The following GALNT3 variants were observed in gnomAD, a reference collection of about 807,000 sequenced individuals.
The protein encoded by GALNT3 is GalNAc transferase 3.
GALNT3 carries 51 observed loss-of-function variants against 69.8 expected under a neutral mutation model. That is an observed-to-expected ratio of 0.73 (90% CI 0.58 to 0.92). The LOEUF is 0.92. GALNT3 is among the 40% of genes least tolerant of loss of function. The probability of loss-of-function intolerance (pLI) is 0.00; values close to 1 mark genes in which losing one functional copy is unlikely to be tolerated. For synonymous variants in GALNT3, 265 were observed against 248.5 expected, an observed-to-expected ratio of 1.07 and a Z score of -0.63; for missense variants, 711 against 760.0, an observed-to-expected ratio of 0.94 and a Z score of 0.76.
At chr2:165,776,646 A>C (rs2105425676) in intron 1 of GALNT3, among the ~76,000 whole-genome samples, 1 of 152,322 alleles carries the variant, frequency 6.6e-6, no homozygotes, top group East Asian at 1.9e-4. Flanking sequence ...AAAGTTATTA[A>C]TCTGTAACCT....
Position 165,748,983 on chromosome 2 carries a change from C to A in GALNT3, c.1780-80G>T, listed in dbSNP as rs1476790021. On this transcript the variant is annotated intron_variant, in intron 10 of 10. Coordinates refer to ENST00000392701, the MANE Select transcript of GALNT3 (RefSeq NM_004482.4). ...AAATATGAAAAAGATTTTATGGTTTCATTGAAGCAAACCTAATAGCAAATC... is the reference window on the plus strand; with the variant it reads ...AAATATGAAAAAGATTTTATGGTTTAATTGAAGCAAACCTAATAGCAAATC... The A allele has an allele frequency of 5.7e-6, 8 of 1,406,098 alleles. No individual in the cohort carries two copies. In the Admixed American group the frequency reaches 1.5e-4, roughly 27 times the overall value. 87.1% of individuals were successfully genotyped at this position (1,406,098 alleles called of 1,614,324 possible). A position where few individuals can be genotyped will look rare whatever the true frequency, so the allele number is the denominator to read the frequency against.
At chr2:165,758,478 G>A in intron 6 of GALNT3, 1 of 265,404 alleles carries the variant, frequency 3.8e-6, no homozygotes, top group South Asian at 7.9e-5. Context: ...TATCTTGGCT[G>A]GAATTCAGTA....
chr2:165,770,472 T>C lies in GALNT3; in HGVS notation c.229A>G (p.Met77Val), dbSNP rs759624635. 1 of 1,614,250 alleles carries C rather than the reference T, an allele frequency of 6.2e-7. No individual in the cohort carries two copies. Among genetic ancestry groups the C allele is most frequent in the Non-Finnish European group, 8.5e-7 (1 of 1,180,046 alleles). Residue 77 changes from methionine to valine, a missense_variant, in exon 2 of 11, where the codon ATG becomes GTG. Met to Val is a conservative substitution (Grantham distance 21). Coordinates refer to ENST00000392701, the MANE Select transcript of GALNT3 (RefSeq NM_004482.4). ...LEAVNNIKDA[M>V]PKMQIGAPVR... is the part of the protein sequence containing the mutation. ...GGTGCTCCTATTTGCATTTTTGGCATGGCATCCTTAATATTGTTTACAGCT... is the reference window on the plus strand; with the variant it reads ...GGTGCTCCTATTTGCATTTTTGGCACGGCATCCTTAATATTGTTTACAGCT...
At chr2:165,784,142 T>C (rs1683172180) in intron 1 of GALNT3, among the ~76,000 whole-genome samples, 1 of 152,148 alleles carries the variant, frequency 6.6e-6, no homozygotes, top group African/African-American at 2.4e-5. Context: ...GCATAGTCAA[T>C]TACCATACAC....
chr2:165,752,627 A>G (rs909547192), intron 9 of GALNT3, among the ~76,000 whole-genome samples: 1 of 152,218 alleles, frequency 6.6e-6, no homozygotes, highest in Non-Finnish European at 1.5e-5. Flanking sequence ...TATGAAAATG[A>G]TAACAGAAAA....
At chr2:165,761,580 AAAC>A (rs1688547438) in intron 4 of GALNT3, among the ~76,000 whole-genome samples, 1 of 150,676 alleles carries the variant, frequency 6.6e-6, no homozygotes, top group Non-Finnish European at 1.5e-5. Flanking sequence ...ACAAACAAAC[AAAC>A]AAACACTTTT....
At chr2:165,794,667 T>C (rs1683428155), upstream of GALNT3, 1 of 152,256 alleles carries the variant, frequency 6.6e-6, no homozygotes, top group Non-Finnish European at 1.5e-5. Context: ...TGTGGTTTCT[T>C]CGGGCAGGGT....
chr2:165,770,584 T>C lies in GALNT3; in HGVS notation c.117A>G (p.Arg39=), dbSNP rs150417505. ...CTTTGGAATATTGAACACTTACTTC[T>C]CTTTGCATTAAAACCAAAACTATTA... ...FFIIVLVLMQ[R]EVSVQYSKEE... is the part of the protein sequence containing the mutation. The change falls in exon 2 of 11, where the codon AGA becomes AGG. Residue 39 remains arginine, a synonymous_variant. Coordinates refer to ENST00000392701, the MANE Select transcript of GALNT3 (RefSeq NM_004482.4). 17 of 1,610,460 alleles carry C rather than the reference T, an allele frequency of 1.1e-5. No individual in the cohort carries two copies. The African/African-American group carries it at 1.7e-4, about 16-fold the overall frequency.
At position 165,754,392 on chromosome 2, in the gene GALNT3, CTTTT is replaced by C. The variant is rs137893523; in HGVS notation, c.1626+231_1626+234del. Among the ~76,000 whole-genome samples the C allele has an allele frequency of 0.059, 3,596 of 61,134 alleles. 210 individuals are homozygous for C. Among genetic ancestry groups the C allele is most frequent in the African/African-American group, 0.15 (2,655 of 17,320 alleles). The allele number at this position is 61,134 out of a possible 152,430, so 40.1% of individuals were successfully genotyped here. On this transcript the variant is annotated intron_variant, in intron 9 of 10. Transcript: ENST00000392701. ...GGCGTGAGCCACTCAGCTCGGCCTC[CTTTT>C]TTTTTTTTTTTTTTTTTTTTTAATG...
At chr2:165,759,868 T>C (rs1688513297) in intron 4 of GALNT3, among the ~76,000 whole-genome samples, 1 of 152,114 alleles carries the variant, frequency 6.6e-6, no homozygotes, top group East Asian at 1.9e-4. Flanking sequence ...GGTAAGAACA[T>C]CTAAGATCTA....
At chr2:165,794,439 C>A (rs940513973), upstream of GALNT3, 1 of 152,486 alleles carries the variant, frequency 6.6e-6, no homozygotes, top group Non-Finnish European at 1.5e-5. Flanking sequence ...TGCTGCTCCG[C>A]GCAAGTTGTG....
At chr2:165,777,840 A>T (rs2105222364) in intron 1 of GALNT3, among the ~76,000 whole-genome samples, 1 of 152,334 alleles carries the variant, frequency 6.6e-6, no homozygotes, top group South Asian at 2.1e-4. Flanking sequence ...CCAGTGGATG[A>T]CTAAACTACT....
At chr2:165,773,214 C>T (rs997105518) in intron 1 of GALNT3, among the ~76,000 whole-genome samples, 1 of 152,170 alleles carries the variant, frequency 6.6e-6, no homozygotes, top group Admixed American at 6.5e-5. Flanking sequence ...GATAATGAAT[C>T]ATGGGGGTGG....
chr2:165,778,267 C>T (rs2105222742), intron 1 of GALNT3, among the ~76,000 whole-genome samples: 1 of 152,260 alleles, frequency 6.6e-6, no homozygotes, highest in East Asian at 1.9e-4. Context: ...TAGAGGAATT[C>T]TGAGGAGTGA....
chr2:165,773,409 CCT>C (rs997428129), intron 1 of GALNT3, among the ~76,000 whole-genome samples: 12 of 152,182 alleles, frequency 7.9e-5, no homozygotes, highest in African/African-American at 2.9e-4. Flanking sequence ...GTCCATTAAA[CCT>C]CTTTTTCTTT....
chr2:165,761,508 G>A (rs1322075041), intron 4 of GALNT3, among the ~76,000 whole-genome samples: 5 of 151,964 alleles, frequency 3.3e-5, no homozygotes, highest in South Asian at 2.1e-4. Flanking sequence ...CACCACGCCC[G>A]GCTACATTTA....
intron 2 of GALNT3, 150 bp from the exon 3 acceptor site, chr2:165,765,206 A>C (rs989217572): frequency 1.1e-5 from 8 of 744,968 alleles, no homozygotes; most frequent in Non-Finnish European, 1.7e-5. Context: ...GCTATATAAA[A>C]TGTAAATAAA....
intron 4 of GALNT3, among the ~76,000 whole-genome samples, chr2:165,761,522 A>T (rs1213904098): frequency 6.6e-6 from 1 of 152,196 alleles, no homozygotes; most frequent in South Asian, 2.1e-4. Context: ...ACATTTAAAT[A>T]GTAAATAAGC....
intron 9 of GALNT3, among the ~76,000 whole-genome samples, chr2:165,752,306 T>C (rs1290956373): frequency 6.6e-6 from 1 of 152,144 alleles, no homozygotes; most frequent in East Asian, 1.9e-4. Flanking sequence ...CAAAAAGGTC[T>C]TCCCTCACCT....
Sources: gnomAD v4.1 joint callset for allele counts (sites outside exome capture counted in the v4.1 genomes callset) on GRCh38, gnomAD v4.1.1 for gene constraint, MANE v1.5 for transcripts, NCBI Gene and HGNC (gene_info 2026-07-23, HGNC 2026-07-21) for gene names.